The following BRINP3 variants were observed in gnomAD, a reference collection of about 807,000 sequenced individuals.
The protein encoded by BRINP3 is BMP/retinoic acid-inducible neural-specific protein 3.
Under a neutral mutation model 71.0 loss-of-function variants are expected in BRINP3, and 19 were observed. That is an observed-to-expected ratio of 0.27 (90% CI 0.19 to 0.39). The LOEUF is 0.39. BRINP3 is among the 10% of genes least tolerant of loss of function. BRINP3 has a pLI of 1.00. For missense variants in BRINP3, 959 were observed against 940.8 expected (o/e 1.02, Z -0.25); for synonymous variants, 380 against 337.7 (o/e 1.13, Z -1.37).
intron 2 of BRINP3, among the ~76,000 whole-genome samples, chr1:190,314,699 C>T (rs78341564): frequency 0.011 from 1,613 of 152,122 alleles, 27 homozygotes; most frequent in African/African-American, 0.037. Context: ...CTTCTGGCCC[C>T]CAAAACTATA....
intron 2 of BRINP3, among the ~76,000 whole-genome samples, chr1:190,326,399 A>G (rs1666580730): frequency 6.6e-6 from 1 of 152,110 alleles, no homozygotes; most frequent in African/African-American, 2.4e-5. Flanking sequence ...TAACACAGGA[A>G]AACTTCCCTA....
At chr1:190,453,762 T>G (rs1258047943) in intron 2 of BRINP3, among the ~76,000 whole-genome samples, 1 of 152,146 alleles carries the variant, frequency 6.6e-6, no homozygotes, top group Non-Finnish European at 1.5e-5. Context: ...TGCCCTCTGG[T>G]GCACATAAAA....
intron 7 of BRINP3, among the ~76,000 whole-genome samples, chr1:190,106,883 C>T (rs542793485): frequency 1.9e-4 from 29 of 151,626 alleles, no homozygotes; most frequent in Non-Finnish European, 3.2e-4. Context: ...AACCTGAAAA[C>T]AAATGAAATT....
At chr1:190,305,939 C>T (rs765936145) in intron 2 of BRINP3, among the ~76,000 whole-genome samples, 96 of 151,512 alleles carry the variant, frequency 6.3e-4, no homozygotes, top group Middle Eastern at 3.2e-3. Context: ...CATAAATTAA[C>T]GAAGAAAAAT....
intron 2 of BRINP3, among the ~76,000 whole-genome samples, chr1:190,395,281 T>C (rs544053871): frequency 7.3e-5 from 11 of 151,696 alleles, no homozygotes; most frequent in Non-Finnish European, 1.5e-4. Context: ...ATTCAATTGC[T>C]TAATGTAATG....
At chr1:190,107,858 A>G (rs755300501) in intron 7 of BRINP3, among the ~76,000 whole-genome samples, 1 of 146,944 alleles carries the variant, frequency 6.8e-6, no homozygotes, top group Non-Finnish European at 1.5e-5. Context: ...TAATTATGGC[A>G]CTGAATTTTT....
chr1:190,136,371 A>G (rs1274702658), intron 7 of BRINP3, among the ~76,000 whole-genome samples: 3 of 152,120 alleles, frequency 2.0e-5, no homozygotes, highest in Non-Finnish European at 4.4e-5. Flanking sequence ...TGTTTAACAA[A>G]ATCACTACCT....
intron 2 of BRINP3, among the ~76,000 whole-genome samples, chr1:190,397,080 G>T (rs1192620243): frequency 2.0e-5 from 3 of 151,748 alleles, no homozygotes; most frequent in Non-Finnish European, 4.4e-5. Flanking sequence ...GAATTAATTG[G>T]TCCTGTGACT....
intron 2 of BRINP3, among the ~76,000 whole-genome samples, chr1:190,302,484 A>C (rs1664806553): frequency 6.6e-6 from 1 of 151,740 alleles, no homozygotes; most frequent in Admixed American, 6.6e-5. Flanking sequence ...CAGCACCAGT[A>C]GTAACTGTTC....
intron 7 of BRINP3, among the ~76,000 whole-genome samples, chr1:190,101,062 A>C (rs1455069172): frequency 6.6e-6 from 1 of 152,108 alleles, no homozygotes. Context: ...GATGCAGCAA[A>C]AAGGCCCTCA....
At chr1:190,340,567 A>G (rs1357793158) in intron 2 of BRINP3, among the ~76,000 whole-genome samples, 1 of 151,894 alleles carries the variant, frequency 6.6e-6, no homozygotes, top group Non-Finnish European at 1.5e-5. Context: ...TTTCAGATTG[A>G]CCAAGCAAGT....
intron 6 of BRINP3, among the ~76,000 whole-genome samples, chr1:190,167,417 T>A (rs1049104915): frequency 3.3e-5 from 5 of 152,132 alleles, no homozygotes; most frequent in East Asian, 1.9e-4. Flanking sequence ...TGGACCTATA[T>A]GCCTGCATAT....
chr1:190,461,926 G>T (rs1317849596), intron 1 of BRINP3, among the ~76,000 whole-genome samples: 1 of 151,970 alleles, frequency 6.6e-6, no homozygotes, highest in Non-Finnish European at 1.5e-5. Context: ...TTTTAATTTT[G>T]ATTTTATTTT....
chr1:190,413,201 G>A (rs946859218), intron 2 of BRINP3, among the ~76,000 whole-genome samples: 1 of 152,092 alleles, frequency 6.6e-6, no homozygotes, highest in Non-Finnish European at 1.5e-5. Flanking sequence ...GTGCGTGTGT[G>A]TGTGTATGTG....
chr1:190,325,398 T>C (rs1290376853), intron 2 of BRINP3, among the ~76,000 whole-genome samples: 2 of 151,950 alleles, frequency 1.3e-5, no homozygotes, highest in African/African-American at 4.8e-5. Flanking sequence ...TAAAACCATA[T>C]TTAGCATACA....
chr1:190,218,890 CCAA>C (rs1020972782), intron 6 of BRINP3, among the ~76,000 whole-genome samples: 2 of 151,990 alleles, frequency 1.3e-5, no homozygotes, highest in Non-Finnish European at 2.9e-5. Flanking sequence ...TGTGTTATTT[CCAA>C]CAACAACAAC....
intron 6 of BRINP3, among the ~76,000 whole-genome samples, chr1:190,171,268 G>T (rs923927767): frequency 1.3e-5 from 2 of 152,254 alleles, no homozygotes; most frequent in East Asian, 3.9e-4. Flanking sequence ...TTGGTTGCTT[G>T]TTTACTTGTA....
chr1:190,379,774 C>T (rs1027469010), intron 2 of BRINP3, among the ~76,000 whole-genome samples: 8 of 151,780 alleles, frequency 5.3e-5, no homozygotes, highest in Admixed American at 1.3e-4. Flanking sequence ...CCGAGGCAGG[C>T]GGATCATGAG....
chr1:190,272,138 A>G (rs1662163872), intron 3 of BRINP3, among the ~76,000 whole-genome samples: 1 of 151,568 alleles, frequency 6.6e-6, no homozygotes, highest in Admixed American at 6.6e-5. Flanking sequence ...CTTGTAAGTT[A>G]CAGATTAATA....
Sources: gnomAD v4.1 joint callset for allele counts (sites outside exome capture counted in the v4.1 genomes callset) on GRCh38, gnomAD v4.1.1 for gene constraint, MANE v1.5 for transcripts, NCBI Gene and HGNC (gene_info 2026-07-23, HGNC 2026-07-21) for gene names.